The following NAXD variants were observed in gnomAD, a reference collection of about 807,000 sequenced individuals.
The protein encoded by NAXD is ATP-dependent (S)-NAD(P)H-hydrate dehydratase.
NAXD carries 22 observed loss-of-function variants against 35.8 expected under a neutral mutation model. That is an observed-to-expected ratio of 0.62 (90% CI 0.44 to 0.88). The LOEUF is 0.88. Ranked by LOEUF, NAXD falls within the 40% of genes least tolerant of loss-of-function variation. The pLI, the probability that NAXD is intolerant of heterozygous loss-of-function variation, is 0.00. For missense variants in NAXD, 428 were observed against 437.7 expected (o/e 0.98, Z 0.20); for synonymous variants, 189 against 177.6 (o/e 1.06, Z -0.51).
intron 5 of NAXD, among the ~76,000 whole-genome samples, chr13:110,632,025 G>A (rs555653482): frequency 1.3e-5 from 2 of 152,180 alleles, no homozygotes; most frequent in African/African-American, 4.8e-5. Flanking sequence ...GAATTGGTGG[G>A]TTCTTGGTCT....
At chr13:110,635,924 A>G (rs1886909618) in intron 8 of NAXD, among the ~76,000 whole-genome samples, 1 of 152,210 alleles carries the variant, frequency 6.6e-6, no homozygotes, top group African/African-American at 2.4e-5. Context: ...TCCAGCTGCC[A>G]CCTTCATCTC....
At position 110,638,955 on chromosome 13, in the gene NAXD, T is replaced by C. The variant is rs1887060716; in HGVS notation, c.*427T>C. The C allele has an allele frequency of 5.6e-6, 2 of 356,966 alleles. No individual in the cohort carries two copies. The highest frequency in any genetic ancestry group is 5.5e-6 in the Non-Finnish European group (1 of 182,006). The allele number at this position is 356,966 out of a possible 1,614,324, so 22.1% of individuals were successfully genotyped here. On this transcript the variant is annotated 3_prime_UTR_variant, in exon 10 of 10. Coordinates refer to ENST00000680254, the MANE Select transcript of NAXD (RefSeq NM_001242882.2). The surrounding 1 kb of genome is among the most constrained non-coding windows in gnomAD (Gnocchi z 5.4). ...CCTAGTCTTTCCTCCGGCAGGGAGC[T>C]GGGCAGGGGTCCCCGGGTGTCTCCC... is the stretch of plus-strand genomic sequence containing the variant.
At chr13:110,635,272 C>T (rs748968036) in intron 7 of NAXD, among the ~76,000 whole-genome samples, 196 bp from the exon 8 acceptor site, 3 of 152,180 alleles carry the variant, frequency 2.0e-5, no homozygotes, top group Non-Finnish European at 1.5e-5. Context: ...GAGCAGGCAC[C>T]GTGTCAGCAC....
At chr13:110,620,699 T>C (rs1359202294) in intron 1 of NAXD, among the ~76,000 whole-genome samples, 1 of 152,202 alleles carries the variant, frequency 6.6e-6, no homozygotes, top group Non-Finnish European at 1.5e-5. Flanking sequence ...AGAAAATTCC[T>C]TCAAAAGTTT....
chr13:110,622,506 G>GT, intron 2 of NAXD, 140 bp downstream of exon 2: 1 of 778,548 alleles, frequency 1.3e-6, no homozygotes, highest in East Asian at 2.6e-5. Flanking sequence ...GTATTTTTCA[G>GT]TGATCCACTT....
intron 1 of NAXD, among the ~76,000 whole-genome samples, chr13:110,617,134 A>G (rs146214283): frequency 4.9e-4 from 74 of 152,348 alleles, no homozygotes; most frequent in African/African-American, 1.6e-3. Flanking sequence ...AGAGTTGTAT[A>G]TTACTGAGGC....
intron 2 of NAXD, 93 bp from the exon 3 acceptor site, chr13:110,624,137 ATTAT>A (rs536721840): frequency 1.8e-4 from 130 of 737,176 alleles, no homozygotes; most frequent in African/African-American, 1.7e-3. Flanking sequence ...CCATGTCTAT[ATTAT>A]TTATGTCTAT....
chr13:110,618,632 G>A (rs886551087), intron 1 of NAXD, among the ~76,000 whole-genome samples: 2 of 152,142 alleles, frequency 1.3e-5, no homozygotes, highest in Admixed American at 6.5e-5. Flanking sequence ...GCCTTAGAAA[G>A]TGGCCCTTAT....
At chr13:110,617,142 G>A (rs1368963325) in intron 1 of NAXD, among the ~76,000 whole-genome samples, 1 of 152,146 alleles carries the variant, frequency 6.6e-6, no homozygotes, top group Non-Finnish European at 1.5e-5. Context: ...ATATTACTGA[G>A]GCTTTAGGAA....
chr13:110,638,242 G>C lies in NAXD; in HGVS notation c.840-136G>C, dbSNP rs777215685. Reference sequence around the variant, plus strand: ...TGTGATAAACCTGCTTTCTCCTCAGGGGCATATCAGACTTGAAATTGACAA... The same window carrying C: ...TGTGATAAACCTGCTTTCTCCTCAGCGGCATATCAGACTTGAAATTGACAA... On this transcript the variant is annotated intron_variant, in intron 9 of 9. Coordinates refer to ENST00000680254, the MANE Select transcript of NAXD (RefSeq NM_001242882.2). The surrounding 1 kb of genome is among the most constrained non-coding windows in gnomAD (Gnocchi z 5.4). The C allele has an allele frequency of 5.2e-5, 81 of 1,562,438 alleles. No individual in the cohort carries two copies. The highest frequency in any genetic ancestry group is 1.1e-4 in the Admixed American group (6 of 52,578).
chr13:110,621,952 C>T (rs1886282037), intron 1 of NAXD, among the ~76,000 whole-genome samples: 1 of 151,880 alleles, frequency 6.6e-6, no homozygotes, highest in African/African-American at 2.4e-5. Flanking sequence ...ATTGCTTGAA[C>T]CTGGGAGGCA....
At chr13:110,635,752 G>A (rs1886902548) in intron 8 of NAXD, among the ~76,000 whole-genome samples, 164 bp downstream of exon 8, 1 of 151,880 alleles carries the variant, frequency 6.6e-6, no homozygotes, top group Non-Finnish European at 1.5e-5. Context: ...CAGAGTCCAT[G>A]TTTTGACTTT....
intron 5 of NAXD, among the ~76,000 whole-genome samples, chr13:110,629,133 G>A (rs1365027709): frequency 6.6e-6 from 1 of 152,024 alleles, no homozygotes; most frequent in Non-Finnish European, 1.5e-5. Flanking sequence ...TTCCTACTTC[G>A]TCGACGTTCC....
At chr13:110,621,599 G>A (rs187306621) in intron 1 of NAXD, among the ~76,000 whole-genome samples, 1 of 152,286 alleles carries the variant, frequency 6.6e-6, no homozygotes, top group Non-Finnish European at 1.5e-5. Context: ...CGGAGGCTGA[G>A]GCAGGAGAAT....
rs1887003255 is a variant in NAXD at position 110,638,125 on chromosome 13, T to G, written c.840-253T>G. On this transcript the variant is annotated intron_variant, in intron 9 of 9. Transcript: ENST00000680254. The surrounding 1 kb of genome is among the most constrained non-coding windows in gnomAD (Gnocchi z 5.4). ...TTCCCCGGGAACACCTGGCCCACTGTGTGCCCTAGCCCTGGACCTGTCTCC... is the reference window on the plus strand; with the variant it reads ...TTCCCCGGGAACACCTGGCCCACTGGGTGCCCTAGCCCTGGACCTGTCTCC... 1 of 1,043,256 alleles carries G rather than the reference T, an allele frequency of 9.6e-7. No homozygotes were observed. Among genetic ancestry groups the G allele is most frequent in the Non-Finnish European group, 1.4e-6 (1 of 704,988 alleles). The allele number at this position is 1,043,256 out of a possible 1,614,324, so 64.6% of individuals were successfully genotyped here.
intron 8 of NAXD, among the ~76,000 whole-genome samples, chr13:110,636,558 T>G (rs1886935180): frequency 2.0e-5 from 3 of 151,810 alleles, no homozygotes. Flanking sequence ...GAGATGAGGG[T>G]TTTTTAATCA....
At position 110,615,617 on chromosome 13, in the gene NAXD, C is replaced by A. The variant is rs1307817874; in HGVS notation, c.16C>A (p.Arg6Ser). The A allele has an allele frequency of 2.3e-5, 34 of 1,460,304 alleles. No homozygotes were observed. The highest frequency in any genetic ancestry group is 3.1e-5 in the Non-Finnish European group (34 of 1,110,220). 90.5% of individuals were successfully genotyped at this position (1,460,304 alleles called of 1,614,324 possible). ...ATGCTGCCCGATGGCCCTGGGTCCT[C>A]GCTGTGGGGCAATCCGGGCTTGCAG... MALGP[R>S]CGAIRACRRV... The change falls in exon 1 of 10, where the codon CGC becomes AGC. Residue 6 changes from arginine (R) to serine (S), a missense_variant. Physicochemically the swap from Arg to Ser is moderately radical, Grantham distance 110. Transcript: ENST00000680254.
rs553217045 is a variant in NAXD, at chr13:110,627,469, G to A, written c.363G>A (p.Glu121=). The A allele has an allele frequency of 1.0e-4, 168 of 1,614,152 alleles. 2 individuals are homozygous for A. In the South Asian group the frequency reaches 1.2e-3, roughly 12 times the overall value. The change falls in exon 5 of 10, where the codon GAG becomes GAA. Residue 121 remains glutamate (E), a synonymous_variant. Coordinates refer to ENST00000680254, the MANE Select transcript of NAXD (RefSeq NM_001242882.2). The part of the protein sequence containing the change: ...LDSPNAVHEV[E]KWLPRLHALV... ...GCCCCAATGCTGTTCATGAGGTGGA[G>A]AAGTGGCTGCCCCGGCTGCATGCTC...
In NAXD at chr13:110,637,269, T is replaced by C. The variant is rs757607976; in HGVS notation, c.839+20T>C. 1.9e-6 allele frequency: 3 copies of C among 1,613,678 alleles called. No individual in the cohort carries two copies. Among genetic ancestry groups the C allele is most frequent in the Non-Finnish European group, 2.5e-6 (3 of 1,179,832 alleles). ...AAATGGGTAAGGCCACGTCTTCATT[T>C]ATTCTACTTTGAAACCGTCTGATTT... On this transcript the variant is annotated intron_variant, in intron 9 of 9. Transcript: ENST00000680254.
Sources: allele counts gnomAD v4.1 joint callset (sites outside exome capture counted in the v4.1 genomes callset), GRCh38; gene constraint gnomAD v4.1.1; non-coding constraint Gnocchi (gnomAD v3.1); transcripts MANE v1.5; gene names NCBI Gene and HGNC (gene_info 2026-07-23, HGNC 2026-07-21).